Variants in FBXO34 observed in about 807,000 individuals in gnomAD.
FBXO34 encodes F-box only protein 34.
A neutral mutation model predicts 24.5 loss-of-function variants in FBXO34; 12 were observed. The observed-to-expected ratio is 0.49, with a 90% CI of 0.31 to 0.79. FBXO34 has a LOEUF of 0.79. FBXO34 is among the 30% of genes least tolerant of loss of function. The pLI is 0.04. For synonymous variants in FBXO34, 320 were observed against 311.9 expected, an observed-to-expected ratio of 1.03 and a Z score of -0.27; for missense variants, 823 against 857.7, an observed-to-expected ratio of 0.96 and a Z score of 0.51.
chr14:55,371,220 T>C (rs1011888693), downstream of FBXO34, among the ~76,000 whole-genome samples: 3 of 152,208 alleles, frequency 2.0e-5, no homozygotes, highest in Admixed American at 6.5e-5. Flanking sequence ...AATGAGAGCC[T>C]AGAATCGTAT....
Position 55,350,435 on chromosome 14 carries a change from C to A in FBXO34, c.45C>A (p.Pro15=). The A allele has an allele frequency of 1.2e-6, 2 of 1,606,714 alleles. No individual in the cohort carries two copies. Among genetic ancestry groups the A allele is most frequent in the Non-Finnish European group, 1.7e-6 (2 of 1,177,238 alleles). ...GGAAGCTCCAGAAGAAAGAGCACCCCCCGGAAGTCAGCAGGGAAACGCAGA... is the reference window on the plus strand; with the variant it reads ...GGAAGCTCCAGAAGAAAGAGCACCCACCGGAAGTCAGCAGGGAAACGCAGA... ...PYWKLQKKEH[P]PEVSRETQRT... is the part of the protein sequence containing the mutation. Residue 15 remains proline, a synonymous_variant, in exon 2 of 2, where the codon CCC becomes CCA. Transcript: ENST00000313833.
chr14:55,432,413 A>G, the FBXO34 span, among the ~76,000 whole-genome samples: 18 of 146,098 alleles, frequency 1.2e-4, no homozygotes, highest in Non-Finnish European at 2.8e-4. Flanking sequence ...ACCGTGTCTC[A>G]GAAAAAAAAA....
intron 1 of FBXO34, among the ~76,000 whole-genome samples, chr14:55,322,309 CAAA>C (rs3084455): frequency 0.035 from 4,316 of 122,012 alleles, 146 homozygotes; most frequent in African/African-American, 0.092. Flanking sequence ...GACTCTGTCT[CAAA>C]AAAAAAAAAA....
chr14:55,389,649 G>A, the FBXO34 span, among the ~76,000 whole-genome samples: 5 of 152,176 alleles, frequency 3.3e-5, no homozygotes, highest in African/African-American at 1.2e-4. Context: ...CTTGCTGCCG[G>A]CACTCATTTA....
intron 1 of FBXO34, chr14:55,298,940 T>A (rs1193324110): frequency 4.8e-5 from 76 of 1,582,300 alleles, no homozygotes; most frequent in Non-Finnish European, 6.4e-5. Flanking sequence ...ACATGGGCTC[T>A]GCAGCCAAGG....
chr14:55,425,779 G>A, the FBXO34 span, among the ~76,000 whole-genome samples: 5 of 151,996 alleles, frequency 3.3e-5, no homozygotes, highest in African/African-American at 1.2e-4. Flanking sequence ...GCCCCTGAAG[G>A]GCCTTACCTT....
chr14:55,271,818 C>G (rs1381932741), intron 1 of FBXO34: 1 of 151,680 alleles, frequency 6.6e-6, no homozygotes, highest in Admixed American at 6.5e-5. Context: ...CCTGGGTCCC[C>G]GCTGAAGCCG....
the FBXO34 span, chr14:55,433,579 T>A: frequency 6.5e-7 from 1 of 1,534,354 alleles, no homozygotes; most frequent in East Asian, 2.2e-5. Flanking sequence ...CTTCCTTGTT[T>A]TACATACTAA....
At chr14:55,434,681 G>C in the FBXO34 span, among the ~76,000 whole-genome samples, 1 of 152,130 alleles carries the variant, frequency 6.6e-6, no homozygotes, top group Non-Finnish European at 1.5e-5. Context: ...CTTTGTGTCT[G>C]TCCTCACCAT....
the FBXO34 span, chr14:55,411,991 G>A: frequency 7.9e-6 from 5 of 632,082 alleles, no homozygotes; most frequent in Admixed American, 5.9e-5. Context: ...GGTCTGCTGA[G>A]GGGCAACAGG....
chr14:55,393,917 AT>A, the FBXO34 span, among the ~76,000 whole-genome samples: 13 of 151,128 alleles, frequency 8.6e-5, no homozygotes, highest in African/African-American at 3.2e-4. Context: ...CTAGTTTATT[AT>A]TTTTTTCCAT....
the FBXO34 span, among the ~76,000 whole-genome samples, chr14:55,416,375 T>C: frequency 6.6e-6 from 1 of 152,140 alleles, no homozygotes; most frequent in Admixed American, 6.5e-5. Context: ...GAGGATCCCT[T>C]GAGCCCAGGA....
At chr14:55,408,799 A>C in the FBXO34 span, among the ~76,000 whole-genome samples, 2 of 152,294 alleles carry the variant, frequency 1.3e-5, no homozygotes, top group Admixed American at 6.5e-5. Flanking sequence ...TAAATCACGT[A>C]CCAAGTGGTA....
the FBXO34 span, among the ~76,000 whole-genome samples, chr14:55,415,956 T>G: frequency 6.6e-6 from 1 of 152,316 alleles, no homozygotes; most frequent in Non-Finnish European, 1.5e-5. Context: ...AGCATGTTTC[T>G]TAGGCTCATC....
At chr14:55,284,661 AGCTAGAGT>A (rs1372775479) in intron 1 of FBXO34, among the ~76,000 whole-genome samples, 1 of 146,282 alleles carries the variant, frequency 6.8e-6, no homozygotes, top group Non-Finnish European at 1.5e-5. Context: ...CTGTCACCCA[AGCTAGAGT>A]GTAGTGGTGC....
downstream of FBXO34, chr14:55,369,624 G>A (rs1356113103): frequency 2.0e-6 from 3 of 1,514,050 alleles, no homozygotes; most frequent in African/African-American, 1.4e-5. Flanking sequence ...GCTCGTTAAC[G>A]GTGTCCAGTG....
At chr14:55,284,165 C>T (rs1022289052) in intron 1 of FBXO34, among the ~76,000 whole-genome samples, 3 of 152,046 alleles carry the variant, frequency 2.0e-5, no homozygotes, top group Non-Finnish European at 4.4e-5. Flanking sequence ...ATGCCTAGTG[C>T]TAATTGCATG....
chr14:55,310,210 A>G (rs1320713275), intron 1 of FBXO34, among the ~76,000 whole-genome samples: 1 of 152,192 alleles, frequency 6.6e-6, no homozygotes, highest in Non-Finnish European at 1.5e-5. Flanking sequence ...TGTTTACCCA[A>G]AGTACTGGAG....
the FBXO34 span, among the ~76,000 whole-genome samples, chr14:55,404,960 C>G: frequency 1.3e-5 from 2 of 152,052 alleles, no homozygotes; most frequent in Non-Finnish European, 2.9e-5. Flanking sequence ...AATGCAAAAA[C>G]CTTTTATAAG....
Sources: gnomAD v4.1 joint callset for allele counts (sites outside exome capture counted in the v4.1 genomes callset) on GRCh38, gnomAD v4.1.1 for gene constraint, MANE v1.5 for transcripts, NCBI Gene and HGNC (gene_info 2026-07-23, HGNC 2026-07-21) for gene names.